Variants in DLG2 observed in about 807,000 individuals in gnomAD.
DLG2 encodes discs large MAGUK scaffold protein 2.
DLG2 carries 45 observed loss-of-function variants against 132.5 expected under a neutral mutation model. The ratio of observed to expected loss-of-function variants is 0.34; its 90% CI spans 0.27 to 0.44. DLG2 has a LOEUF of 0.44. Ranked by LOEUF, DLG2 falls within the 20% of genes least tolerant of loss-of-function variation. The pLI, the probability that DLG2 is intolerant of heterozygous loss-of-function variation, is 1.00. For missense variants in DLG2, 1,045 were observed against 1,196.9 expected, an observed-to-expected ratio of 0.87 and a Z score of 1.87; for synonymous variants, 424 against 419.6, an observed-to-expected ratio of 1.01 and a Z score of -0.13.
chr11:85,358,683 T>C (rs933430152), intron 3 of DLG2, among the ~76,000 whole-genome samples: 4 of 152,246 alleles, frequency 2.6e-5, no homozygotes, highest in Non-Finnish European at 4.4e-5. Context: ...CTGAACCAGA[T>C]GTAAACTTCT....
At chr11:84,959,216 G>A (rs1297585904) in intron 6 of DLG2, among the ~76,000 whole-genome samples, 6 of 152,084 alleles carry the variant, frequency 3.9e-5, no homozygotes, top group Non-Finnish European at 7.4e-5. Context: ...GGCTTCACAC[G>A]GAATCTTAAT....
intron 11 of DLG2, among the ~76,000 whole-genome samples, chr11:84,025,093 TG>T (rs1475386775): frequency 1.3e-5 from 2 of 152,288 alleles, no homozygotes; most frequent in East Asian, 3.9e-4. Context: ...GACTATTCAG[TG>T]TATCTGTTTG....
chr11:85,475,118 T>C (rs2093101278), intron 3 of DLG2, among the ~76,000 whole-genome samples: 1 of 151,542 alleles, frequency 6.6e-6, no homozygotes, highest in Non-Finnish European at 1.5e-5. Context: ...GAGTGAAAAA[T>C]GTACAGCAAA....
chr11:83,497,094 G>C (rs925960529), intron 21 of DLG2, among the ~76,000 whole-genome samples: 1 of 152,150 alleles, frequency 6.6e-6, no homozygotes, highest in African/African-American at 2.4e-5. Context: ...GAGCATGACA[G>C]GTACTCAATA....
chr11:84,636,415 C>T (rs1427967691), intron 6 of DLG2, among the ~76,000 whole-genome samples: 3 of 152,170 alleles, frequency 2.0e-5, no homozygotes, highest in Non-Finnish European at 4.4e-5. Context: ...GCTGTGCCTC[C>T]TTGGCCAAGT....
chr11:85,420,754 T>A (rs1014373212), intron 3 of DLG2, among the ~76,000 whole-genome samples: 1 of 152,154 alleles, frequency 6.6e-6, no homozygotes, highest in Admixed American at 6.5e-5. Context: ...AACCACCTAC[T>A]CAAGCTTCAG....
intron 11 of DLG2, among the ~76,000 whole-genome samples, chr11:83,994,229 A>C (rs2093893138): frequency 6.6e-6 from 1 of 152,178 alleles, no homozygotes; most frequent in African/African-American, 2.4e-5. Flanking sequence ...CCAACTAATC[A>C]CAATACGTAG....
At chr11:83,762,747 A>AT (rs1023132756) in intron 18 of DLG2, among the ~76,000 whole-genome samples, 3 of 151,880 alleles carry the variant, frequency 2.0e-5, no homozygotes, top group Non-Finnish European at 4.4e-5. Flanking sequence ...CGCCTGGCTA[A>AT]TTTTTTTGTA....
chr11:83,924,078 T>C (rs1417914775), intron 15 of DLG2, among the ~76,000 whole-genome samples: 1 of 152,066 alleles, frequency 6.6e-6, no homozygotes, highest in Non-Finnish European at 1.5e-5. Flanking sequence ...TCCTATTTCT[T>C]TTACTTGGAA....
At chr11:83,851,836 T>C (rs2059830449) in intron 16 of DLG2, among the ~76,000 whole-genome samples, 1 of 151,800 alleles carries the variant, frequency 6.6e-6, no homozygotes, top group South Asian at 2.1e-4. Flanking sequence ...AGAGAATTGC[T>C]TGAACCCAGG....
At chr11:85,266,419 T>C (rs545202822) in intron 4 of DLG2, among the ~76,000 whole-genome samples, 13 of 151,844 alleles carry the variant, frequency 8.6e-5, no homozygotes, top group Non-Finnish European at 1.6e-4. Flanking sequence ...TGAGAACACA[T>C]AGACACAGGG....
At chr11:85,511,916 A>C (rs866126842) in intron 3 of DLG2, among the ~76,000 whole-genome samples, 1 of 151,926 alleles carries the variant, frequency 6.6e-6, no homozygotes, top group South Asian at 2.1e-4. Context: ...TGTTTTTTGC[A>C]GAGACGGGGT....
intron 18 of DLG2, among the ~76,000 whole-genome samples, chr11:83,757,077 G>C (rs2093679740): frequency 6.6e-6 from 1 of 152,122 alleles, no homozygotes; most frequent in Non-Finnish European, 1.5e-5. Context: ...TTTGTATATG[G>C]TTCTCTACTA....
At chr11:85,488,318 G>A (rs2093477197) in intron 3 of DLG2, among the ~76,000 whole-genome samples, 1 of 151,876 alleles carries the variant, frequency 6.6e-6, no homozygotes, top group Admixed American at 6.6e-5. Flanking sequence ...GAACCCAAGA[G>A]GCAGAGGTTG....
intron 19 of DLG2, among the ~76,000 whole-genome samples, chr11:83,605,427 A>C (rs530649273): frequency 6.6e-6 from 1 of 152,376 alleles, no homozygotes; most frequent in Non-Finnish European, 1.5e-5. Flanking sequence ...ATAAACATAA[A>C]TGTCCCAACT....
intron 7 of DLG2, among the ~76,000 whole-genome samples, chr11:84,457,982 A>C (rs1442495801): frequency 6.6e-6 from 1 of 150,894 alleles, no homozygotes; most frequent in Non-Finnish European, 1.5e-5. Context: ...ATAAAAATAA[A>C]ATTCATCTGC....
chr11:85,582,162 T>C (rs1168937924), intron 3 of DLG2, among the ~76,000 whole-genome samples: 1 of 152,114 alleles, frequency 6.6e-6, no homozygotes, highest in East Asian at 1.9e-4. Flanking sequence ...TAATGAACCA[T>C]GTATTCTAAG....
chr11:84,542,128 T>TGAGA (rs59128357), intron 6 of DLG2, among the ~76,000 whole-genome samples: 2,794 of 146,996 alleles, frequency 0.019, 74 homozygotes, highest in African/African-American at 0.059. Context: ...ACAGTACTGA[T>TGAGA]GAGAGAGAGA....
chr11:84,935,196 A>T (rs2048598873), intron 6 of DLG2, among the ~76,000 whole-genome samples: 1 of 152,216 alleles, frequency 6.6e-6, no homozygotes, highest in South Asian at 2.1e-4. Flanking sequence ...ATTCACAGTA[A>T]TTATCCATAT....
Sources: allele counts gnomAD v4.1 joint callset (sites outside exome capture counted in the v4.1 genomes callset), GRCh38; gene constraint gnomAD v4.1.1; transcripts MANE v1.5; gene names NCBI Gene and HGNC (gene_info 2026-07-23, HGNC 2026-07-21).